The following CRNN variants were observed in gnomAD, a reference collection of about 807,000 sequenced individuals.
The protein encoded by CRNN is 53 kDa putative calcium-binding protein.
In CRNN, 39 loss-of-function variants were observed where a neutral mutation model predicts 44.7. The observed-to-expected ratio is 0.87, with a 90% CI of 0.68 to 1.14. The LOEUF (loss-of-function observed/expected upper bound fraction) is 1.14, where lower values mean the gene tolerates loss of function less well. Ranked by LOEUF, CRNN falls within the 50% of genes most tolerant of loss-of-function variation. The pLI is 0.00. For missense variants in CRNN, 606 were observed against 605.1 expected, an observed-to-expected ratio of 1.00 and a Z score of -0.02; for synonymous variants, 240 against 231.8, an observed-to-expected ratio of 1.04 and a Z score of -0.32.
intron 1 of CRNN, among the ~76,000 whole-genome samples, chr1:152,412,984 ACAGCCCTCCCTT>A (rs1299371756): frequency 6.6e-6 from 1 of 152,162 alleles, no homozygotes; most frequent in Non-Finnish European, 1.5e-5. Flanking sequence ...TTCCAGGGAC[ACAGCCCTCCCTT>A]CTTGTTTTTT....
chr1:152,412,139 T>A lies in CRNN; in HGVS notation c.95A>T (p.Glu32Val), dbSNP rs1655787157. 1.9e-6 allele frequency: 3 copies of A among 1,612,034 alleles called. No homozygotes were observed. Among genetic ancestry groups the A allele is most frequent in the Non-Finnish European group, 2.5e-6 (3 of 1,178,492 alleles). The change falls in exon 2 of 3, where the codon GAG (glutamate) becomes GTG (valine). Residue 32 changes from glutamate (E) to valine (V), a missense_variant. Physicochemically the swap from Glu to Val is moderately radical, Grantham distance 121. Transcript: ENST00000271835. ...EGNCTALTRG[E>V]LKRLLEQEFA... ...CTCTTGCTCCAAGAGTCTTTTCAGCTCCCCTCGGGTGAGCGCTGTGCAGTT... is the reference window on the plus strand; with the variant it reads ...CTCTTGCTCCAAGAGTCTTTTCAGCACCCCTCGGGTGAGCGCTGTGCAGTT...
Position 152,409,663 on chromosome 1 carries a change from G to A in CRNN, c.1419C>T (p.Ala473=), listed in dbSNP as rs759560931. 2.5e-6 allele frequency: 4 copies of A among 1,614,046 alleles called. No homozygotes were observed. In the African/African-American group the frequency reaches 4.0e-5, roughly 16 times the overall value. ...TGATGCCTCGCTTCTCTTCTGACTGGGCTGCATCCTGGCCCTGTGCTGAGG... is the reference window on the plus strand; with the variant it reads ...TGATGCCTCGCTTCTCTTCTGACTGAGCTGCATCCTGGCCCTGTGCTGAGG... ...SVSSAQGQDA[A]QSEEKRGITA... is the part of the protein sequence containing the mutation. Residue 473 remains alanine (A), a synonymous_variant, in exon 3 of 3, where the codon GCC becomes GCT. Coordinates refer to ENST00000271835, the MANE Select transcript of CRNN (RefSeq NM_016190.3).
At position 152,410,460 on chromosome 1, in the gene CRNN, G is replaced by T. The variant is rs751014239; in HGVS notation, c.622C>A (p.Pro208Thr). 1.5e-4 allele frequency: 243 copies of T among 1,614,008 alleles called. No individual in the cohort carries two copies. Among genetic ancestry groups the T allele is most frequent in the Non-Finnish European group, 2.0e-4 (237 of 1,180,024 alleles). Residue 208 changes from proline to threonine, a missense_variant, in exon 3 of 3, where the codon CCA (proline) becomes ACA (threonine). Pro to Thr is a conservative substitution (Grantham distance 38, BLOSUM62 -1). Coordinates refer to ENST00000271835, the MANE Select transcript of CRNN (RefSeq NM_016190.3). ...TCCCTGGTCTGTGGCTGTCTCTCTG[G>T]CCTCATCTCTGTTGTCTGATTCCTC... is the stretch of plus-strand genomic sequence containing the variant. ...GKRNQTTEMRPERQPQTREQD... is the reference protein window; with the variant it reads ...GKRNQTTEMRTERQPQTREQD...
Position 152,409,527 on chromosome 1 carries a change from C to T in CRNN, c.*67G>A. ...TCCAGGGATGCACCCACTGGATTGG[C>T]CATGCAGGACAAGCCAAACTCTCTC... On this transcript the variant is annotated 3_prime_UTR_variant, in exon 3 of 3. Transcript: ENST00000271835. The T allele has an allele frequency of 6.5e-7, 1 of 1,544,250 alleles. No individual in the cohort carries two copies.
chr1:152,410,380 G>T lies in CRNN; in HGVS notation c.702C>A (p.Thr234=). 6.2e-7 allele frequency: 1 copy of T among 1,614,128 alleles called. No homozygotes were observed. ...CCACAGTCTGGGTGGCACCTGCCTG[G>T]GTCTGAGTTCCAGATCCAGTCACAG... The part of the protein sequence containing the change: ...GETVTGSGTQ[T]QAGATQTVEQ... The change falls in exon 3 of 3, where the codon ACC becomes ACA. Residue 234 remains threonine, a synonymous_variant. Transcript: ENST00000271835.
chr1:152,412,519 C>T (rs1001841905), intron 1 of CRNN, among the ~76,000 whole-genome samples: 7 of 152,144 alleles, frequency 4.6e-5, no homozygotes, highest in African/African-American at 1.7e-4. Flanking sequence ...GTTTACTACT[C>T]ATTGTAATTG....
In CRNN at chr1:152,409,959, C is replaced by A; in HGVS notation, c.1123G>T (p.Gly375Ter). 1 of 1,614,036 alleles carries A rather than the reference C, an allele frequency of 6.2e-7. No homozygotes were observed. The highest frequency in any genetic ancestry group is 8.5e-7 in the Non-Finnish European group (1 of 1,180,034). The change falls in exon 3 of 3, where the codon GGA becomes TGA. Residue 375 changes from glycine (G) to a stop codon, truncating the protein, a stop_gained. Coordinates refer to ENST00000271835, the MANE Select transcript of CRNN (RefSeq NM_016190.3). LOFTEE classifies it high-confidence loss of function. ...CTGCCTGGCTGCGTCTGGGTCTGTC[C>A]CTGTTCTCTAGCCCCTCCGTGGCTT... ...TVSHGGAREQGQTQTQPGSGQ... is the reference protein window; with the variant it reads ...TVSHGGAREQ
At chr1:152,410,976 T>A (rs1655742939) in intron 2 of CRNN, 33 bp from the exon 3 acceptor site, 2 of 1,564,046 alleles carry the variant, frequency 1.3e-6, no homozygotes, top group Non-Finnish European at 8.6e-7. Context: ...TCAGCATCCC[T>A]CCCCTGAGGA....
chr1:152,409,679 T>C lies in CRNN; in HGVS notation c.1403A>G (p.Gln468Arg). 1 of 1,614,224 alleles carries C rather than the reference T, an allele frequency of 6.2e-7. No homozygotes were observed. Among genetic ancestry groups the C allele is most frequent in the Non-Finnish European group, 8.5e-7 (1 of 1,180,032 alleles). Residue 468 changes from glutamine to arginine, a missense_variant, in exon 3 of 3, where the codon CAG becomes CGG. By Grantham distance (43) the Gln-to-Arg change is conservative. Coordinates refer to ENST00000271835, the MANE Select transcript of CRNN (RefSeq NM_016190.3). ...GNLHTSVSSAQGQDAAQSEEK... is the reference protein window; with the variant it reads ...GNLHTSVSSARGQDAAQSEEK... ...TTCTGACTGGGCTGCATCCTGGCCC[T>C]GTGCTGAGGAAACACTGGTATGCAA...
At position 152,409,619 on chromosome 1, in the gene CRNN, G is replaced by T. The variant is rs376682384; in HGVS notation, c.1463C>A (p.Ser488Tyr). Residue 488 changes from serine (S) to tyrosine (Y), a missense_variant, in exon 3 of 3, where the codon TCC becomes TAC. Physicochemically the swap from Ser to Tyr is moderately radical, Grantham distance 144 (BLOSUM62 -2). Coordinates refer to ENST00000271835, the MANE Select transcript of CRNN (RefSeq NM_016190.3). The part of the protein sequence containing the change: ...KRGITARELY[S>Y]YLRSTKP ...TCATGGCTTGGTGCTTCTCAAGTAG[G>T]AATACAGCTCTCTAGCTGTGATGCC... is the stretch of plus-strand genomic sequence containing the variant. 1 of 1,613,000 alleles carries T rather than the reference G, an allele frequency of 6.2e-7. No homozygotes were observed. Among genetic ancestry groups the T allele is most frequent in the Non-Finnish European group, 8.5e-7 (1 of 1,179,428 alleles).
chr1:152,412,212 T>C lies in CRNN; in HGVS notation c.22A>G (p.Ile8Val). The C allele has an allele frequency of 6.2e-7, 1 of 1,610,704 alleles. No individual in the cohort carries two copies. The highest frequency in any genetic ancestry group is 8.5e-7 in the Non-Finnish European group (1 of 1,177,174). MPQLLQN[I>V]NGIIEAFRRY... is the part of the protein sequence containing the mutation. ...CTGAAGGCCTCGATGATCCCATTAA[T>C]GTTTTGCAGTAACTGAGGCATCTTT... The change falls in exon 2 of 3, where the codon ATT becomes GTT. Residue 8 changes from isoleucine (I) to valine (V), a missense_variant. Transcript: ENST00000271835.
At position 152,410,051 on chromosome 1, in the gene CRNN, C is replaced by A; in HGVS notation, c.1031G>T (p.Gly344Val). 1.2e-6 allele frequency: 2 copies of A among 1,614,058 alleles called. No individual in the cohort carries two copies. The highest frequency in any genetic ancestry group is 1.7e-6 in the Non-Finnish European group (2 of 1,180,008). ...GRSQTSQAVT[G>V]GHTQIQAGSH... ...CCCTGCCTGTATCTGAGTGTGTCCT[C>A]CTGTCACAGCCTGGCTGGTCTGGCT... The change falls in exon 3 of 3, where the codon GGA (glycine) becomes GTA (valine). Residue 344 changes from glycine (G) to valine (V), a missense_variant. Coordinates refer to ENST00000271835, the MANE Select transcript of CRNN (RefSeq NM_016190.3).
chr1:152,409,937 C>A lies in CRNN; in HGVS notation c.1145G>T (p.Gly382Val). The change falls in exon 3 of 3, where the codon GGC becomes GTC. Residue 382 changes from glycine (G) to valine (V), a missense_variant. Coordinates refer to ENST00000271835, the MANE Select transcript of CRNN (RefSeq NM_016190.3). ...REQGQTQTQPGSGQRWMQVSN... is the reference protein window; with the variant it reads ...REQGQTQTQPVSGQRWMQVSN... ...CACTTGCATCCATCTTTGACCACTG[C>A]CTGGCTGCGTCTGGGTCTGTCCCTG... 1 of 1,614,216 alleles carries A rather than the reference C, an allele frequency of 6.2e-7. No individual in the cohort carries two copies. Among genetic ancestry groups the A allele is most frequent in the African/African-American group, 1.3e-5 (1 of 75,046 alleles).
chr1:152,409,394 T>C lies in CRNN; in HGVS notation c.*200A>G. On this transcript the variant is annotated 3_prime_UTR_variant, in exon 3 of 3. Transcript: ENST00000271835. ...GAGTCTTCCTGCTCCTGAGAGGGTC[T>C]GCACCGCAAAGCAGGTAAGAAAGAA... The C allele has an allele frequency of 1.1e-6, 1 of 929,376 alleles. No individual in the cohort carries two copies. Among genetic ancestry groups the C allele is most frequent in the Non-Finnish European group, 1.6e-6 (1 of 642,986 alleles). 57.6% of individuals were successfully genotyped at this position (929,376 alleles called of 1,614,324 possible).
At chr1:152,413,482 A>G (rs957400192) in intron 1 of CRNN, among the ~76,000 whole-genome samples, 27 of 152,276 alleles carry the variant, frequency 1.8e-4, no homozygotes, top group Admixed American at 7.8e-4. Context: ...AGAAAAAAGG[A>G]AGGAAGGAGA....
chr1:152,409,844 C>T lies in CRNN; in HGVS notation c.1238G>A (p.Gly413Glu). 6.2e-7 allele frequency: 1 copy of T among 1,614,246 alleles called. No individual in the cohort carries two copies. Among genetic ancestry groups the T allele is most frequent in the Non-Finnish European group, 8.5e-7 (1 of 1,180,046 alleles). ...GTGAGTGCTGCTCCACTCCTGCCTTCCTGACTCAGTGCTTGCCCCAGTCTG... is the reference window on the plus strand; with the variant it reads ...GTGAGTGCTGCTCCACTCCTGCCTTTCTGACTCAGTGCTTGCCCCAGTCTG... Reference protein sequence around the residue: ...QAQTGASTESGRQEWSSTHPR... With the variant: ...QAQTGASTESERQEWSSTHPR... Residue 413 changes from glycine (G) to glutamate (E), a missense_variant, in exon 3 of 3, where the codon GGA becomes GAA. Physicochemically the swap from Gly to Glu is moderately conservative, Grantham distance 98 (BLOSUM62 -2). Transcript: ENST00000271835.
chr1:152,410,424 C>G lies in CRNN; in HGVS notation c.658G>C (p.Ala220Pro). The change falls in exon 3 of 3, where the codon GCC becomes CCC. Residue 220 changes from alanine to proline, a missense_variant. Ala to Pro is a conservative substitution (Grantham distance 27). Transcript: ENST00000271835. The stretch of plus-strand genomic sequence containing the variant: ...GTCACAGTCTCACCTGTCTGGTGGG[C>G]TCTGTCCTGTTCCCTGGTCTGTGGC... ...RQPQTREQDR[A>P]HQTGETVTGS... is the part of the protein sequence containing the mutation. The G allele has an allele frequency of 6.2e-7, 1 of 1,614,132 alleles. No individual in the cohort carries two copies. Among genetic ancestry groups the G allele is most frequent in the Non-Finnish European group, 8.5e-7 (1 of 1,180,022 alleles).
In CRNN at chr1:152,410,795, G is replaced by A. The variant is rs1655733749; in HGVS notation, c.287C>T (p.Ala96Val). 1.2e-6 allele frequency: 2 copies of A among 1,614,190 alleles called. No homozygotes were observed. The highest frequency in any genetic ancestry group is 2.2e-5 in the East Asian group (1 of 44,874). Reference sequence around the variant, plus strand: ...GCTTCCAGACTCTTGAGAGCCGCAGGCTCCCTCAGCACTCTCGCTCAGTGT... The same window carrying A: ...GCTTCCAGACTCTTGAGAGCCGCAGACTCCCTCAGCACTCTCGCTCAGTGT... ...FKTLSESAEG[A>V]CGSQESGSLH... The change falls in exon 3 of 3, where the codon GCC becomes GTC. Residue 96 changes from alanine (A) to valine (V), a missense_variant. By Grantham distance (64) the Ala-to-Val change is moderately conservative. Transcript: ENST00000271835.
intron 2 of CRNN, 45 bp downstream of exon 2, chr1:152,412,051 A>T: frequency 6.5e-7 from 1 of 1,531,570 alleles, no homozygotes. Flanking sequence ...ACCAGGTTTC[A>T]CTCTCCTGCT....
Sources: gnomAD v4.1 joint callset for allele counts (sites outside exome capture counted in the v4.1 genomes callset) on GRCh38, gnomAD v4.1.1 for gene constraint, MANE v1.5 for transcripts, NCBI Gene and HGNC (gene_info 2026-07-23, HGNC 2026-07-21) for gene names.